SIPA1L2: variants seen among roughly 807,000 people sequenced by gnomAD.
SIPA1L2 encodes signal induced proliferation associated 1 like 2, also known as signal-induced proliferation-associated 1-like protein 2.
Under a neutral mutation model 163.9 loss-of-function variants are expected in SIPA1L2, and 56 were observed. The observed-to-expected ratio is 0.34, with a 90% CI of 0.28 to 0.43. SIPA1L2 has a LOEUF of 0.43. Among genes scored for constraint, SIPA1L2 ranks in the 20% least tolerant of loss-of-function variants. The pLI, the probability that SIPA1L2 is intolerant of heterozygous loss-of-function variation, is 1.00. For synonymous variants in SIPA1L2, 877 were observed against 865.7 expected, an observed-to-expected ratio of 1.01 and a Z score of -0.23; for missense variants, 1,974 against 2,193.5, an observed-to-expected ratio of 0.90 and a Z score of 2.00.
chr1:232,512,115 T>C (rs1300772299), intron 3 of SIPA1L2, among the ~76,000 whole-genome samples: 5 of 151,984 alleles, frequency 3.3e-5, no homozygotes, highest in South Asian at 4.1e-4. Context: ...AACAAACATA[T>C]GAAAAAAGCT....
At chr1:232,423,983 G>C (rs546454292) in intron 18 of SIPA1L2, among the ~76,000 whole-genome samples, 3 of 152,266 alleles carry the variant, frequency 2.0e-5, no homozygotes, top group East Asian at 3.9e-4. Context: ...CTAGAGGGGA[G>C]GGAGGGATGA....
rs1452204295 is a variant in SIPA1L2, at chr1:232,398,639, G to C, written c.*488C>G. The C allele has an allele frequency of 2.0e-5, 3 of 152,194 alleles. No homozygotes were observed. The highest frequency in any genetic ancestry group is 4.9e-5 in the African/African-American group (2 of 41,070). 9.4% of individuals were successfully genotyped at this position (152,194 alleles called of 1,614,324 possible). On this transcript the variant is annotated 3_prime_UTR_variant, in exon 23 of 23. Coordinates refer to ENST00000674635, the MANE Select transcript of SIPA1L2 (RefSeq NM_020808.5). ...TTCTTATTGCTATGGTAATGTGGCT[G>C]TGGAAATAAAACTACTGTACATCCA...
At chr1:232,410,492 G>A (rs981290748) in intron 19 of SIPA1L2, among the ~76,000 whole-genome samples, 6 of 151,808 alleles carry the variant, frequency 4.0e-5, no homozygotes, top group African/African-American at 1.5e-4. Flanking sequence ...CTGTGTGTAC[G>A]TGTTTATCAG....
intron 2 of SIPA1L2, among the ~76,000 whole-genome samples, chr1:232,525,966 T>C (rs914184169): frequency 6.6e-6 from 1 of 152,198 alleles, no homozygotes; most frequent in African/African-American, 2.4e-5. Context: ...GAATAACTTG[T>C]GCCCAATTAA....
At chr1:232,564,249 T>TTC (rs1558271367) in intron 2 of SIPA1L2, among the ~76,000 whole-genome samples, 1,421 of 58,042 alleles carry the variant, frequency 0.024, 98 homozygotes, top group Non-Finnish European at 0.039. Context: ...TGTGTGTGTG[T>TTC]GTGTGTGTGT....
At chr1:232,446,217 T>C (rs1663210518) in intron 10 of SIPA1L2, among the ~76,000 whole-genome samples, 2 of 152,230 alleles carry the variant, frequency 1.3e-5, no homozygotes, top group African/African-American at 4.8e-5. Flanking sequence ...AGGTTAAATA[T>C]TTTAAATATA....
At chr1:232,475,463 T>A (rs1190145760) in intron 7 of SIPA1L2, among the ~76,000 whole-genome samples, 1 of 152,210 alleles carries the variant, frequency 6.6e-6, no homozygotes, top group Non-Finnish European at 1.5e-5. Flanking sequence ...TAGTTAGAAT[T>A]ATGCCTTGAT....
intron 6 of SIPA1L2, 47 bp downstream of exon 6, chr1:232,483,745 A>T: frequency 6.2e-7 from 1 of 1,605,594 alleles, no homozygotes; most frequent in Non-Finnish European, 8.5e-7. Context: ...AAGCATGCCT[A>T]CCTTTGGAGA....
chr1:232,544,266 A>G (rs1028170485), intron 2 of SIPA1L2, among the ~76,000 whole-genome samples: 4 of 152,206 alleles, frequency 2.6e-5, no homozygotes, highest in Non-Finnish European at 5.9e-5. Flanking sequence ...ACTTTCTAAT[A>G]CAAAAGTGCT....
At chr1:232,607,541 A>G (rs1422425378) in intron 1 of SIPA1L2, among the ~76,000 whole-genome samples, 3 of 152,144 alleles carry the variant, frequency 2.0e-5, no homozygotes, top group African/African-American at 7.2e-5. Context: ...TTTCTATGTT[A>G]TGAAAAGTTG....
intron 1 of SIPA1L2, among the ~76,000 whole-genome samples, chr1:232,584,065 C>G (rs1660524217): frequency 6.6e-6 from 1 of 151,220 alleles, no homozygotes; most frequent in East Asian, 1.9e-4. Flanking sequence ...TCTGAACTAC[C>G]ATGTTTGATT....
chr1:232,439,908 G>A (rs776308598), intron 14 of SIPA1L2, among the ~76,000 whole-genome samples: 25 of 152,194 alleles, frequency 1.6e-4, no homozygotes, highest in Admixed American at 6.5e-5. Context: ...GTTCAGGGCA[G>A]AAGACTTAGG....
intron 6 of SIPA1L2, 52 bp downstream of exon 6, chr1:232,483,740 T>C: frequency 6.2e-7 from 1 of 1,602,226 alleles, no homozygotes; most frequent in South Asian, 1.1e-5. Context: ...TTATGAAGCA[T>C]GCCTACCTTT....
At chr1:232,603,136 G>T (rs1162313958) in intron 1 of SIPA1L2, among the ~76,000 whole-genome samples, 1 of 152,172 alleles carries the variant, frequency 6.6e-6, no homozygotes, top group African/African-American at 2.4e-5. Context: ...GTCTAACTGG[G>T]CGTCCTATGT....
At chr1:232,526,371 C>T (rs974685495) in intron 2 of SIPA1L2, among the ~76,000 whole-genome samples, 3 of 123,320 alleles carry the variant, frequency 2.4e-5, no homozygotes, top group South Asian at 5.7e-4. Context: ...GAACCGTTTT[C>T]GTGGAAGACA....
At chr1:232,557,135 G>C (rs111494830) in intron 2 of SIPA1L2, among the ~76,000 whole-genome samples, 12 of 152,360 alleles carry the variant, frequency 7.9e-5, no homozygotes, top group African/African-American at 2.9e-4. Context: ...GTAATCCACA[G>C]TAGGTTATGG....
intron 1 of SIPA1L2, among the ~76,000 whole-genome samples, chr1:232,592,068 A>G (rs1660996172): frequency 6.6e-6 from 1 of 152,332 alleles, no homozygotes; most frequent in South Asian, 2.1e-4. Context: ...AAGAAAAAGA[A>G]GGAAAACGTG....
At chr1:232,476,775 T>C (rs1192808714) in intron 7 of SIPA1L2, among the ~76,000 whole-genome samples, 1 of 152,218 alleles carries the variant, frequency 6.6e-6, no homozygotes, top group African/African-American at 2.4e-5. Flanking sequence ...AGACTTTTAA[T>C]ACATCTTGGA....
intron 6 of SIPA1L2, among the ~76,000 whole-genome samples, chr1:232,482,354 C>G (rs1443431164): frequency 1.3e-5 from 2 of 151,874 alleles, no homozygotes; most frequent in Admixed American, 1.3e-4. Context: ...GAGTTCACAT[C>G]AGCAGTGGTT....
Sources: gnomAD v4.1 joint callset for allele counts (sites outside exome capture counted in the v4.1 genomes callset) on GRCh38, gnomAD v4.1.1 for gene constraint, MANE v1.5 for transcripts, NCBI Gene and HGNC (gene_info 2026-07-23, HGNC 2026-07-21) for gene names.